OC90: variants seen among roughly 807,000 people sequenced by gnomAD.
The protein encoded by OC90 is otoconin-90.
Under a neutral mutation model 47.3 loss-of-function variants are expected in OC90, and 46 were observed. The observed-to-expected ratio is 0.97, with a 90% CI of 0.77 to 1.24. The LOEUF (loss-of-function observed/expected upper bound fraction) is 1.24, where lower values mean the gene tolerates loss of function less well. Ranked by LOEUF, OC90 falls within the 50% of genes most tolerant of loss-of-function variation. The pLI is 0.00. For missense variants in OC90, 688 were observed against 583.9 expected (o/e 1.18, Z -1.84); for synonymous variants, 271 against 219.5 (o/e 1.23, Z -2.07).
chr8:132,024,380 A>C lies in OC90; in HGVS notation c.*101T>G. ...CCCTCCCCGCCTCTGAGTTAAAGGA[A>C]GGGAAGAAGGCTCCAAGGGACAGAG... On this transcript the variant is annotated 3_prime_UTR_variant, in exon 14 of 14. Transcript: ENST00000254627. 1.0e-6 allele frequency: 1 copy of C among 966,462 alleles called. No individual in the cohort carries two copies. The highest frequency in any genetic ancestry group is 1.5e-6 in the Non-Finnish European group (1 of 667,318). The allele number at this position is 966,462 out of a possible 1,614,324, so 59.9% of individuals were successfully genotyped here. A position where few individuals can be genotyped will look rare whatever the true frequency, so the allele number is the denominator to read the frequency against.
chr8:132,058,224 G>A (rs1292385238), intron 1 of OC90, among the ~76,000 whole-genome samples: 1 of 152,218 alleles, frequency 6.6e-6, no homozygotes, highest in African/African-American at 2.4e-5. Context: ...ATTAGGGTAC[G>A]TGGGTGGGAT....
intron 2 of OC90, among the ~76,000 whole-genome samples, chr8:132,046,911 G>A (rs1247896361): frequency 6.6e-6 from 1 of 152,154 alleles, no homozygotes; most frequent in Non-Finnish European, 1.5e-5. Flanking sequence ...TTGGCTTAGA[G>A]CAGGTTTCTC....
chr8:132,037,936 C>T (rs966047758), intron 8 of OC90, among the ~76,000 whole-genome samples: 1 of 152,140 alleles, frequency 6.6e-6, no homozygotes, highest in Non-Finnish European at 1.5e-5. Flanking sequence ...ACATGCACAC[C>T]CCCACACATG....
At chr8:132,039,455 A>C (rs997456010) in intron 6 of OC90, among the ~76,000 whole-genome samples, 2 of 151,924 alleles carry the variant, frequency 1.3e-5, no homozygotes, top group African/African-American at 4.8e-5. Context: ...CCTCCTAACT[A>C]TGCCCCCAGC....
rs1177113883 is a variant in OC90 at position 132,036,342 on chromosome 8, TGTCC to T, written c.679+1092_679+1095del. 3 of 780,786 alleles carry T rather than the reference TGTCC, an allele frequency of 3.8e-6. No homozygotes were observed. The Admixed American group carries it at 5.1e-5, about 13-fold the overall frequency. 48.4% of individuals were successfully genotyped at this position (780,786 alleles called of 1,614,324 possible). A position where few individuals can be genotyped will look rare whatever the true frequency, so the allele number is the denominator to read the frequency against. Reference sequence around the variant, plus strand: ...AATATTTCTCCACTGGATTCCAGGCTGTCCTTTTCCAAATTCCCCTCTGCTTACT... The same window carrying T: ...AATATTTCTCCACTGGATTCCAGGCTTTTTCCAAATTCCCCTCTGCTTACT... On this transcript the variant is annotated intron_variant, in intron 9 of 13. Coordinates refer to ENST00000254627, the MANE Select transcript of OC90 (RefSeq NM_001080399.3).
chr8:132,024,447 G>A lies in OC90; in HGVS notation c.*34C>T, dbSNP rs374753340. The A allele has an allele frequency of 1.4e-4, 200 of 1,481,244 alleles. No individual in the cohort carries two copies. Among genetic ancestry groups the A allele is most frequent in the East Asian group, 4.3e-4 (19 of 43,702 alleles). The allele number at this position is 1,481,244 out of a possible 1,614,324, so 91.8% of individuals were successfully genotyped here. A position where few individuals can be genotyped will look rare whatever the true frequency, so the allele number is the denominator to read the frequency against. On this transcript the variant is annotated 3_prime_UTR_variant, in exon 14 of 14. Coordinates refer to ENST00000254627, the MANE Select transcript of OC90 (RefSeq NM_001080399.3). ...GAGCTGAAGGTGGAGCAGGAGCCAC[G>A]CTACTGAAGGTGTTAGCCATTTTCT...
At chr8:132,030,773 A>C (rs1185721538) in intron 12 of OC90, among the ~76,000 whole-genome samples, 1 of 152,196 alleles carries the variant, frequency 6.6e-6, no homozygotes, top group African/African-American at 2.4e-5. Flanking sequence ...CTTCACTGAA[A>C]ATCTCAGAGG....
At chr8:132,034,693 T>C in intron 10 of OC90, 88 bp downstream of exon 10, 1 of 907,840 alleles carries the variant, frequency 1.1e-6, no homozygotes, top group African/African-American at 1.7e-5. Context: ...TGCATTTCAT[T>C]TGGAACCCAG....
chr8:132,029,095 C>T lies in OC90; in HGVS notation c.1116G>A (p.Val372=). 1 of 1,613,732 alleles carries T rather than the reference C, an allele frequency of 6.2e-7. No individual in the cohort carries two copies. The highest frequency in any genetic ancestry group is 1.1e-5 in the South Asian group (1 of 91,070). Residue 372 remains valine (V), a synonymous_variant, in exon 13 of 14, where the codon GTG becomes GTA. Coordinates refer to ENST00000254627, the MANE Select transcript of OC90 (RefSeq NM_001080399.3). ...TACACTTGGGCGTATGATCCACACA[C>T]ACCACCGGTGACCAAGGAAGCCTCT... ...LLERLPWSPV[V]CVDHTPKCGG...
intron 5 of OC90, 112 bp downstream of exon 5, chr8:132,041,413 C>T (rs1823050780): frequency 1.1e-6 from 1 of 933,008 alleles, no homozygotes; most frequent in Non-Finnish European, 1.6e-6. Context: ...TAAACCCTCT[C>T]CTGAGTCCCA....
At chr8:132,055,420 G>A (rs1462083831) in intron 1 of OC90, among the ~76,000 whole-genome samples, 4 of 152,208 alleles carry the variant, frequency 2.6e-5, no homozygotes, top group African/African-American at 9.6e-5. Flanking sequence ...AGTGCAAAGT[G>A]AGGAGAAAAC....
chr8:132,041,697 AATCT>A lies in OC90; in HGVS notation c.170-2_171del. The A allele has an allele frequency of 2.2e-6, 3 of 1,338,920 alleles. No homozygotes were observed. The highest frequency in any genetic ancestry group is 1.8e-5 in the Admixed American group (1 of 54,726). The allele number at this position is 1,338,920 out of a possible 1,614,324, so 82.9% of individuals were successfully genotyped here. The stretch of plus-strand genomic sequence containing the variant: ...AGCCAGGTGAAGTGGGGGCCCAGGC[AATCT>A]GTGGGGGTGGGGGGCAGGGCCTGAT... On this transcript the variant is annotated splice_acceptor_variant and coding_sequence_variant, in exon 5 of 14. Coordinates refer to ENST00000254627, the MANE Select transcript of OC90 (RefSeq NM_001080399.3). LOFTEE classifies it high-confidence loss of function.
At chr8:132,056,736 A>T (rs1823284062) in intron 1 of OC90, among the ~76,000 whole-genome samples, 1 of 152,174 alleles carries the variant, frequency 6.6e-6, no homozygotes, top group African/African-American at 2.4e-5. Flanking sequence ...TGCCCTGGAA[A>T]GTCTTGTGGT....
chr8:132,027,207 T>C (rs573352364), intron 13 of OC90, among the ~76,000 whole-genome samples: 28 of 152,342 alleles, frequency 1.8e-4, no homozygotes, highest in African/African-American at 6.7e-4. Flanking sequence ...AGTTAGTCGC[T>C]TGCCTACATC....
At position 132,037,480 on chromosome 8, in the gene OC90, C is replaced by T. The variant is rs1822986874; in HGVS notation, c.637G>A (p.Val213Met). ...LTTLLPRVVP[V>M]EPTDTSLTAL... ...GTCAGGCTGGTGTCTGTGGGCTCCA[C>T]AGGAACCACTGGAAAAAGAGAGTTC... Residue 213 changes from valine (V) to methionine (M), a missense_variant, in exon 9 of 14, where the codon GTG becomes ATG. Physicochemically the swap from Val to Met is conservative, Grantham distance 21. Coordinates refer to ENST00000254627, the MANE Select transcript of OC90 (RefSeq NM_001080399.3). 3 of 1,579,076 alleles carry T rather than the reference C, an allele frequency of 1.9e-6. No individual in the cohort carries two copies. The highest frequency in any genetic ancestry group is 3.6e-5 in the Admixed American group (2 of 55,172).
Position 132,026,480 on chromosome 8 carries a change from G to T in OC90, c.1139-1704C>A, listed in dbSNP as rs557481850. On this transcript the variant is annotated intron_variant, in intron 13 of 13. Transcript: ENST00000254627. ...ATGTACCAAGTGTGAGAGCACAGTG[G>T]AGACATGCAGAGGTCCTGTTCCCCA... Among the ~76,000 whole-genome samples the T allele has an allele frequency of 3.3e-5, 5 of 152,312 alleles. No individual in the cohort carries two copies. The East Asian group carries it at 7.7e-4, about 23-fold the overall frequency.
At chr8:132,055,821 C>T (rs986606118) in intron 1 of OC90, among the ~76,000 whole-genome samples, 2 of 151,976 alleles carry the variant, frequency 1.3e-5, no homozygotes, top group African/African-American at 2.4e-5. Context: ...TTGTAGCTGC[C>T]GTCTGCTGAG....
chr8:132,029,354 C>A (rs1252986778), intron 12 of OC90, among the ~76,000 whole-genome samples, 175 bp from the exon 13 acceptor site: 1 of 152,114 alleles, frequency 6.6e-6, no homozygotes, highest in Non-Finnish European at 1.5e-5. Flanking sequence ...TATGGTTATT[C>A]GGGTTGTATA....
intron 1 of OC90, among the ~76,000 whole-genome samples, chr8:132,057,932 G>A (rs938065737): frequency 6.6e-6 from 1 of 152,366 alleles, no homozygotes; most frequent in African/African-American, 2.4e-5. Flanking sequence ...AGTCTGACTT[G>A]TTCTGGCTCC....
Sources: allele counts gnomAD v4.1 joint callset (sites outside exome capture counted in the v4.1 genomes callset), GRCh38; gene constraint gnomAD v4.1.1; transcripts MANE v1.5; gene names NCBI Gene and HGNC (gene_info 2026-07-23, HGNC 2026-07-21).